COL27A1: variants seen among roughly 807,000 people sequenced by gnomAD.
The protein encoded by COL27A1 is collagen alpha-1(XXVII) chain.
Under a neutral mutation model 251.3 loss-of-function variants are expected in COL27A1, and 106 were observed. That is an observed-to-expected ratio of 0.42 (90% CI 0.36 to 0.50). The LOEUF (loss-of-function observed/expected upper bound fraction) is 0.50. COL27A1 is among the 20% of genes least tolerant of loss of function. The pLI is 0.00. For synonymous variants in COL27A1, 1,000 were observed against 986.3 expected (o/e 1.01, Z -0.26); for missense variants, 2,325 against 2,522.8 (o/e 0.92, Z 1.68).
intron 25 of COL27A1, among the ~76,000 whole-genome samples, chr9:114,252,336 G>A (rs1011157901): frequency 6.6e-6 from 1 of 152,204 alleles, no homozygotes; most frequent in African/African-American, 2.4e-5. Context: ...ACCATCCTTG[G>A]AGGGAAATTC....
chr9:114,160,554 T>C (rs569482910), intron 1 of COL27A1, among the ~76,000 whole-genome samples: 1 of 151,666 alleles, frequency 6.6e-6, no homozygotes, highest in Admixed American at 6.6e-5. Context: ...GCTGGAAATA[T>C]AAGCCCGGCA....
Position 114,168,221 on chromosome 9 carries a change from G to A in COL27A1, c.666G>A (p.Thr222=), listed in dbSNP as rs745911804. Residue 222 remains threonine (T), a synonymous_variant, in exon 3 of 61, where the codon ACG becomes ACA. Coordinates refer to ENST00000356083, the MANE Select transcript of COL27A1 (RefSeq NM_032888.4). ...ALCQFSIYPV[T]QVAHNYCTHL... ...GCCAGTTCAGTATCTACCCTGTGAC[G>A]CAGGTCGCTCACAATTACTGTACCC... The A allele has an allele frequency of 1.1e-5, 18 of 1,613,882 alleles. No homozygotes were observed. Among genetic ancestry groups the A allele is most frequent in the African/African-American group, 4.0e-5 (3 of 74,930 alleles).
chr9:114,167,535 C>A (rs1176134218), intron 2 of COL27A1, among the ~76,000 whole-genome samples, 154 bp from the exon 3 acceptor site: 2 of 152,226 alleles, frequency 1.3e-5, no homozygotes, highest in Non-Finnish European at 2.9e-5. Context: ...TCTCAGCCAC[C>A]ACCATGGGGC....
rs535967357 is a variant in COL27A1 at position 114,292,619 on chromosome 9, A to G, written c.4584+409A>G. Among the ~76,000 whole-genome samples, 13 of 152,322 alleles carry G rather than the reference A, an allele frequency of 8.5e-5. No homozygotes were observed. The East Asian group carries it at 2.3e-3, about 27-fold the overall frequency. On this transcript the variant is annotated intron_variant, in intron 49 of 60. Transcript: ENST00000356083. Reference sequence around the variant, plus strand: ...AAACAGGGCAAATAGAAAACACACAACAAACAGTTTCAATACCCCAATTAA... The same window carrying G: ...AAACAGGGCAAATAGAAAACACACAGCAAACAGTTTCAATACCCCAATTAA...
intron 2 of COL27A1, among the ~76,000 whole-genome samples, chr9:114,165,409 C>A (rs867901020): frequency 2.7e-5 from 4 of 145,496 alleles, no homozygotes; most frequent in Admixed American, 6.9e-5. Flanking sequence ...CATTCATCTG[C>A]CCTTTCATCC....
intron 36 of COL27A1, among the ~76,000 whole-genome samples, 164 bp from the exon 37 acceptor site, chr9:114,275,497 G>A (rs1260035093): frequency 6.6e-6 from 1 of 152,186 alleles, no homozygotes; most frequent in African/African-American, 2.4e-5. Flanking sequence ...CTTGGCAGCC[G>A]AGTCACAGCA....
Position 114,206,289 on chromosome 9 carries a change from G to C in COL27A1, c.2261G>C (p.Gly754Ala). The C allele has an allele frequency of 6.2e-7, 1 of 1,614,146 alleles. No individual in the cohort carries two copies. The highest frequency in any genetic ancestry group is 8.5e-7 in the Non-Finnish European group (1 of 1,179,988). Residue 754 changes from glycine to alanine, a missense_variant, in exon 10 of 61, where the codon GGC becomes GCC. Around this residue, in one of 4 missense-constraint regions of COL27A1, gnomAD observed 1,183 missense variants for 1,144.1 expected, o/e 1.03. Transcript: ENST00000356083. ...CCGGTAGGAGATCCCGGCCCCAAAGGCAGCAGGGTAAGTGGTTCCTGGCCA... is the reference window on the plus strand; with the variant it reads ...CCGGTAGGAGATCCCGGCCCCAAAGCCAGCAGGGTAAGTGGTTCCTGGCCA... ...PGPVGDPGPK[G>A]SRGYIGLPGL...
chr9:114,306,674 AG>A lies in COL27A1; in HGVS notation c.5094del (p.Lys1699ArgfsTer51). 6.2e-7 allele frequency: 1 copy of A among 1,613,516 alleles called. No individual in the cohort carries two copies. The highest frequency in any genetic ancestry group is 8.5e-7 in the Non-Finnish European group (1 of 1,179,864). The stretch of plus-strand genomic sequence containing the variant: ...TGCAGGGACCTCATGGACTGTGAGC[AG>A]AAGATGGTGGATGGTGAGAAGGCTT... ...RVCRDLMDCE[Q>X]KMVDGTYWVD... On this transcript the variant is annotated frameshift_variant, in exon 58 of 61. Transcript: ENST00000356083. LOFTEE classifies it high-confidence loss of function.
In COL27A1 at chr9:114,290,953, C is replaced by A. The variant is rs1010254970; in HGVS notation, c.4476+36C>A. ...TCTTAATACACTTACCCACCCTCTG[C>A]CCTTTCTGCCTTGATGCAGACTCTA... On this transcript the variant is annotated intron_variant, in intron 48 of 60. Transcript: ENST00000356083. This position sits in a 1 kb window ranked among gnomAD's most constrained non-coding sequence, Gnocchi z 4.6. The A allele has an allele frequency of 3.4e-6, 5 of 1,466,426 alleles. No individual in the cohort carries two copies. The highest frequency in any genetic ancestry group is 1.4e-5 in the African/African-American group (1 of 71,170). The allele number at this position is 1,466,426 out of a possible 1,614,324, so 90.8% of individuals were successfully genotyped here. A position where few individuals can be genotyped will look rare whatever the true frequency, so the allele number is the denominator to read the frequency against.
intron 5 of COL27A1, 31 bp downstream of exon 5, chr9:114,183,106 G>A (rs977779885): frequency 4.4e-6 from 7 of 1,599,836 alleles, no homozygotes; most frequent in African/African-American, 1.3e-5. Context: ...TGGCCATGGA[G>A]TGGGTGCTGG....
chr9:114,159,433 T>A (rs912900656), intron 1 of COL27A1, among the ~76,000 whole-genome samples: 1 of 151,748 alleles, frequency 6.6e-6, no homozygotes, highest in Non-Finnish European at 1.5e-5. Flanking sequence ...CATAATCCAA[T>A]GAAGGACTCA....
chr9:114,225,853 A>G (rs1018061780), intron 14 of COL27A1, among the ~76,000 whole-genome samples: 5 of 152,142 alleles, frequency 3.3e-5, no homozygotes, highest in African/African-American at 1.2e-4. Context: ...ACAAACTAAC[A>G]TTTATTGAGC....
At chr9:114,160,768 G>A (rs904216434) in intron 1 of COL27A1, among the ~76,000 whole-genome samples, 1 of 152,140 alleles carries the variant, frequency 6.6e-6, no homozygotes, top group Non-Finnish European at 1.5e-5. Context: ...AGTAGACAAT[G>A]ACCACACATG....
intron 25 of COL27A1, among the ~76,000 whole-genome samples, chr9:114,251,656 T>TC (rs1230140953): frequency 6.6e-6 from 1 of 152,136 alleles, no homozygotes; most frequent in Non-Finnish European, 1.5e-5. Flanking sequence ...ATGACCCATG[T>TC]CCCTTCTCAC....
At chr9:114,167,566 G>A (rs370764731) in intron 2 of COL27A1, 123 bp from the exon 3 acceptor site, 1 of 810,448 alleles carries the variant, frequency 1.2e-6, no homozygotes. Context: ...TTAGATGAAT[G>A]AACAAAGGAC....
intron 49 of COL27A1, among the ~76,000 whole-genome samples, chr9:114,293,967 G>T (rs938306363): frequency 6.6e-6 from 1 of 152,030 alleles, no homozygotes; most frequent in East Asian, 1.9e-4. Flanking sequence ...GGCTGGGCGC[G>T]GTGGCTTACG....
At position 114,270,884 on chromosome 9, in the gene COL27A1, C is replaced by T; in HGVS notation, c.3609+103C>T. The T allele has an allele frequency of 5.6e-6, 5 of 899,708 alleles. No individual in the cohort carries two copies. The South Asian group carries it at 5.7e-5, about 10-fold the overall frequency. The allele number at this position is 899,708 out of a possible 1,614,324, so 55.7% of individuals were successfully genotyped here. ...AGAAACACTGTGTTCCCATAGAGAT[C>T]TGAGATGACAGCTCCAGCTCCCATT... On this transcript the variant is annotated intron_variant, in intron 36 of 60. Coordinates refer to ENST00000356083, the MANE Select transcript of COL27A1 (RefSeq NM_032888.4).
intron 2 of COL27A1, among the ~76,000 whole-genome samples, chr9:114,167,040 G>A (rs1253206813): frequency 6.6e-6 from 1 of 152,154 alleles, no homozygotes; most frequent in East Asian, 1.9e-4. Context: ...GTGGGTCCCT[G>A]AGGAGATGGT....
intron 5 of COL27A1, among the ~76,000 whole-genome samples, chr9:114,191,749 T>C (rs1828764604): frequency 6.6e-6 from 1 of 152,234 alleles, no homozygotes; most frequent in Admixed American, 6.5e-5. Context: ...ATCTTTGTAA[T>C]AGAATGACTA....
Sources: allele counts gnomAD v4.1 joint callset (sites outside exome capture counted in the v4.1 genomes callset), GRCh38; gene constraint gnomAD v4.1.1; regional missense constraint gnomAD v4.1.1; non-coding constraint Gnocchi (gnomAD v3.1); transcripts MANE v1.5; gene names NCBI Gene and HGNC (gene_info 2026-07-23, HGNC 2026-07-21).